The following TNS3 variants were observed in gnomAD, a reference collection of about 807,000 sequenced individuals.
TNS3 encodes tensin 3, also known as tensin-3.
In TNS3, 45 loss-of-function variants were observed where a neutral mutation model predicts 140.9. The ratio of observed to expected loss-of-function variants is 0.32; its 90% CI spans 0.25 to 0.41. The LOEUF (loss-of-function observed/expected upper bound fraction) is 0.41, where lower values mean the gene tolerates loss of function less well. Among genes scored for constraint, TNS3 ranks in the 10% least tolerant of loss-of-function variants. The pLI is 1.00. For missense variants in TNS3, 1,716 were observed against 1,906.7 expected (o/e 0.90, Z 1.86); for synonymous variants, 815 against 788.4 (o/e 1.03, Z -0.56).
In TNS3 at chr7:47,522,377, G is replaced by T. The variant is rs1210300939; in HGVS notation, c.-153+6659C>A. 2.0e-5 allele frequency among the ~76,000 whole-genome samples: 3 copies of T among 152,186 alleles called. No individual in the cohort carries two copies. The East Asian group carries it at 5.8e-4, about 29-fold the overall frequency. On this transcript the variant is annotated intron_variant, in intron 2 of 30. Transcript: ENST00000311160. ...CCCACACCCCCAGGCCAGCCTCACA[G>T]CCTCCACGTAACTTCCGACCCCCCA...
intron 25 of TNS3, 40 bp downstream of exon 25, chr7:47,293,693 T>C (rs200937327): frequency 7.4e-5 from 117 of 1,579,112 alleles, no homozygotes; most frequent in Middle Eastern, 1.7e-4. Flanking sequence ...CCAGGCCTCA[T>C]GAGTTCAGAA....
At chr7:47,356,292 C>T (rs1193599430) in intron 17 of TNS3, among the ~76,000 whole-genome samples, 2 of 152,210 alleles carry the variant, frequency 1.3e-5, no homozygotes, top group African/African-American at 4.8e-5. Flanking sequence ...GAACCTCCAG[C>T]GGTGAGACCT....
intron 24 of TNS3, 94 bp from the exon 25 acceptor site, chr7:47,293,922 GA>G: frequency 8.7e-7 from 1 of 1,149,168 alleles, no homozygotes; most frequent in Non-Finnish European, 1.3e-6. Context: ...AGCTACAGTT[GA>G]AAAGGCTCTT....
At chr7:47,547,880 GCA>G (rs2151976642) in intron 1 of TNS3, among the ~76,000 whole-genome samples, 1 of 152,322 alleles carries the variant, frequency 6.6e-6, no homozygotes, top group African/African-American at 2.4e-5. Flanking sequence ...GCGGGCTCCA[GCA>G]TTGTCCCCAG....
intron 23 of TNS3, among the ~76,000 whole-genome samples, chr7:47,299,926 G>A (rs1482308820): frequency 2.0e-5 from 3 of 152,162 alleles, no homozygotes; most frequent in Non-Finnish European, 4.4e-5. Context: ...ACACTGTCGC[G>A]CCCTGCATCT....
At chr7:47,572,282 G>A (rs1246858097) in intron 1 of TNS3, among the ~76,000 whole-genome samples, 5 of 152,198 alleles carry the variant, frequency 3.3e-5, no homozygotes, top group Admixed American at 1.3e-4. Context: ...CCCAGAGACC[G>A]GCAACGGCAA....
chr7:47,362,954 C>CCAAACAATCATGACCATCATTATCAT, intron 17 of TNS3, among the ~76,000 whole-genome samples: 1 of 3,706 alleles, frequency 2.7e-4, no homozygotes, highest in African/African-American at 9.9e-4. Flanking sequence ...ATCAACATCA[C>CCAAACAATCATGACCATCATTATCAT]CACCATCATC....
At chr7:47,527,191 C>T (rs1048385692) in intron 2 of TNS3, among the ~76,000 whole-genome samples, 2 of 152,082 alleles carry the variant, frequency 1.3e-5, no homozygotes, top group African/African-American at 2.4e-5. Flanking sequence ...GAGCCGAGAT[C>T]GCGCCACTGC....
intron 1 of TNS3, among the ~76,000 whole-genome samples, chr7:47,552,904 T>C (rs557352582): frequency 4.5e-4 from 69 of 152,336 alleles, no homozygotes; most frequent in Non-Finnish European, 9.1e-4. Context: ...TGAAAAGTTC[T>C]TGAAGGAAAT....
At chr7:47,340,411 C>A (rs1737001623) in intron 20 of TNS3, among the ~76,000 whole-genome samples, 1 of 151,580 alleles carries the variant, frequency 6.6e-6, no homozygotes, top group African/African-American at 2.4e-5. Flanking sequence ...GTGAGCTACT[C>A]CGCCGGGCTG....
rs1045292913 is a variant in TNS3 at position 47,277,632 on chromosome 7, C to T, written c.*444G>A. 6 of 238,826 alleles carry T rather than the reference C, an allele frequency of 2.5e-5. No homozygotes were observed. Among genetic ancestry groups the T allele is most frequent in the Admixed American group, 5.2e-5 (1 of 19,122 alleles). The allele number at this position is 238,826 out of a possible 1,614,324, so 14.8% of individuals were successfully genotyped here. A position where few individuals can be genotyped will look rare whatever the true frequency, so the allele number is the denominator to read the frequency against. On this transcript the variant is annotated 3_prime_UTR_variant, in exon 31 of 31. Coordinates refer to ENST00000311160, the MANE Select transcript of TNS3 (RefSeq NM_022748.12). ...CCGAGGTGAGGGAAACCCCCGGCCT[C>T]GGGTGCAGCTGGACAGAAGCGCCCA...
intron 17 of TNS3, among the ~76,000 whole-genome samples, chr7:47,358,544 G>T (rs1277624764): frequency 6.6e-6 from 1 of 152,172 alleles, no homozygotes; most frequent in Non-Finnish European, 1.5e-5. Context: ...CATAAGTGTG[G>T]CCACAGGTCC....
chr7:47,336,655 A>G (rs1050059411), intron 20 of TNS3, among the ~76,000 whole-genome samples: 1 of 152,160 alleles, frequency 6.6e-6, no homozygotes, highest in Non-Finnish European at 1.5e-5. Context: ...AAGTGCCCAT[A>G]ATACCCTGTT....
chr7:47,297,334 T>A lies in TNS3; in HGVS notation c.3545-121A>T, dbSNP rs1786095911. On this transcript the variant is annotated intron_variant, in intron 23 of 30. Transcript: ENST00000311160. Reference sequence around the variant, plus strand: ...TTTGCAAACTGGATCAGTGGGGACCTGGCCGGGATCCCTCTGCTTGGCTGG... The same window carrying A: ...TTTGCAAACTGGATCAGTGGGGACCAGGCCGGGATCCCTCTGCTTGGCTGG... 2.4e-6 allele frequency: 3 copies of A among 1,225,248 alleles called. No individual in the cohort carries two copies. In the Admixed American group the frequency reaches 7.4e-5, roughly 30 times the overall value. The allele number at this position is 1,225,248 out of a possible 1,614,324, so 75.9% of individuals were successfully genotyped here.
intron 2 of TNS3, among the ~76,000 whole-genome samples, chr7:47,511,609 C>T (rs551677309): frequency 6.6e-5 from 10 of 151,900 alleles, no homozygotes; most frequent in African/African-American, 1.2e-4. Context: ...ACCCGCAGCG[C>T]GAGGGCAACC....
At chr7:47,425,247 G>A (rs750667282) in intron 9 of TNS3, among the ~76,000 whole-genome samples, 2 of 152,118 alleles carry the variant, frequency 1.3e-5, no homozygotes, top group Admixed American at 6.5e-5. Context: ...AACCCGGGAG[G>A]CAGAGGTTGT....
At chr7:47,434,022 G>C (rs1795053820) in intron 8 of TNS3, among the ~76,000 whole-genome samples, 1 of 152,086 alleles carries the variant, frequency 6.6e-6, no homozygotes, top group Non-Finnish European at 1.5e-5. Flanking sequence ...CCTAATGGGT[G>C]TACCTGTCCA....
chr7:47,471,111 T>C (rs1203675759), intron 4 of TNS3, among the ~76,000 whole-genome samples: 1 of 151,990 alleles, frequency 6.6e-6, no homozygotes, highest in African/African-American at 2.4e-5. Flanking sequence ...CCTTTGGAAA[T>C]AGCCAAAGGC....
chr7:47,503,946 C>T (rs1250837359), intron 3 of TNS3, among the ~76,000 whole-genome samples: 2 of 152,074 alleles, frequency 1.3e-5, no homozygotes, highest in Non-Finnish European at 2.9e-5. Context: ...ATAGACACTC[C>T]ACCCTCGCGA....
Sources: allele counts gnomAD v4.1 joint callset (sites outside exome capture counted in the v4.1 genomes callset), GRCh38; gene constraint gnomAD v4.1.1; transcripts MANE v1.5; gene names NCBI Gene and HGNC (gene_info 2026-07-23, HGNC 2026-07-21).